The following FBXO25 variants were observed in gnomAD, a reference collection of about 807,000 sequenced individuals.
FBXO25 encodes F-box only protein 25.
Under a neutral mutation model 51.9 loss-of-function variants are expected in FBXO25, and 45 were observed. That is an observed-to-expected ratio of 0.87 (90% CI 0.68 to 1.11). The LOEUF (loss-of-function observed/expected upper bound fraction) is 1.11. Ranked by LOEUF, FBXO25 falls within the 50% of genes most tolerant of loss-of-function variation. The pLI, the probability that FBXO25 is intolerant of heterozygous loss-of-function variation, is 0.00. For missense variants in FBXO25, 507 were observed against 428.5 expected (o/e 1.18, Z -1.62); for synonymous variants, 199 against 151.0 (o/e 1.32, Z -2.33).
In FBXO25 at chr8:469,681, A is replaced by G. The variant is rs939818308; in HGVS notation, c.*877A>G. 3 of 151,992 alleles carry G rather than the reference A, an allele frequency of 2.0e-5. No homozygotes were observed. The highest frequency in any genetic ancestry group is 4.8e-5 in the African/African-American group (2 of 41,336). 9.4% of individuals were successfully genotyped at this position (151,992 alleles called of 1,614,324 possible). Reference sequence around the variant, plus strand: ...AAATAACGCATGTCCATTTTAGAAAATTAGAAAATCAGTCCCACCACCCAA... The same window carrying G: ...AAATAACGCATGTCCATTTTAGAAAGTTAGAAAATCAGTCCCACCACCCAA... On this transcript the variant is annotated 3_prime_UTR_variant, in exon 10 of 10. Transcript: ENST00000350302.
chr8:436,438 A>C (rs1421766386), intron 5 of FBXO25, among the ~76,000 whole-genome samples: 1 of 152,206 alleles, frequency 6.6e-6, no homozygotes, highest in Non-Finnish European at 1.5e-5. Flanking sequence ...TGGGAGGACC[A>C]AAAATTTAGG....
intron 5 of FBXO25, among the ~76,000 whole-genome samples, chr8:447,451 G>A (rs1242781171): frequency 6.6e-6 from 1 of 152,170 alleles, no homozygotes; most frequent in Admixed American, 6.5e-5. Flanking sequence ...ATGGAATCAT[G>A]AGCAGACAGT....
chr8:449,675 G>A (rs1348445961), intron 5 of FBXO25, among the ~76,000 whole-genome samples: 1 of 152,146 alleles, frequency 6.6e-6, no homozygotes, highest in Non-Finnish European at 1.5e-5. Flanking sequence ...TACAGAGGCT[G>A]GAAAGCTAAA....
intron 2 of FBXO25, among the ~76,000 whole-genome samples, chr8:423,734 A>G (rs542160312): frequency 1.3e-5 from 2 of 152,232 alleles, no homozygotes; most frequent in Non-Finnish European, 2.9e-5. Context: ...TACTATTGTT[A>G]ATAGTGCAGC....
At chr8:449,541 G>A (rs1469168185) in intron 5 of FBXO25, among the ~76,000 whole-genome samples, 3 of 152,206 alleles carry the variant, frequency 2.0e-5, no homozygotes, top group Non-Finnish European at 4.4e-5. Context: ...ATTTCTACAT[G>A]GAAGGGCTGT....
At chr8:433,074 G>C (rs1486237990) in intron 4 of FBXO25, 139 bp downstream of exon 4, 29 of 1,189,236 alleles carry the variant, frequency 2.4e-5, no homozygotes, top group African/African-American at 6.5e-5. Flanking sequence ...CATTCTGACA[G>C]ATAATAGCAT....
chr8:429,800 G>A (rs533227313), intron 2 of FBXO25, among the ~76,000 whole-genome samples: 37 of 152,202 alleles, frequency 2.4e-4, no homozygotes, highest in Non-Finnish European at 4.3e-4. Flanking sequence ...CCACTGCCCA[G>A]GCAGGCCCAG....
chr8:433,469 C>G (rs1466713211), intron 4 of FBXO25, among the ~76,000 whole-genome samples: 1 of 152,134 alleles, frequency 6.6e-6, no homozygotes. Context: ...TGTGAGCCCT[C>G]TCATTCCACA....
At chr8:459,512 C>T (rs993846450) in intron 8 of FBXO25, among the ~76,000 whole-genome samples, 13 of 152,172 alleles carry the variant, frequency 8.5e-5, no homozygotes, top group African/African-American at 2.7e-4. Flanking sequence ...TTCAGAAGAG[C>T]CTCTGTTCTT....
chr8:454,901 AAAG>A (rs1320246107), intron 7 of FBXO25, among the ~76,000 whole-genome samples: 1 of 145,460 alleles, frequency 6.9e-6, no homozygotes, highest in Non-Finnish European at 1.5e-5. Flanking sequence ...AAAAAAAGAA[AAAG>A]AAAAAGAAAA....
At chr8:409,804 C>G (rs188938423) in intron 1 of FBXO25, among the ~76,000 whole-genome samples, 7 of 152,208 alleles carry the variant, frequency 4.6e-5, no homozygotes, top group African/African-American at 1.7e-4. Flanking sequence ...AATTATTATT[C>G]TCAAAACAAC....
chr8:451,181 C>T, intron 6 of FBXO25, 88 bp from the exon 7 acceptor site: 1 of 1,089,856 alleles, frequency 9.2e-7, no homozygotes, highest in Non-Finnish European at 1.3e-6. Context: ...GTTCGTCTAT[C>T]AGTGGACATT....
intron 2 of FBXO25, among the ~76,000 whole-genome samples, chr8:418,663 C>T (rs1486691893): frequency 6.6e-6 from 1 of 152,070 alleles, no homozygotes; most frequent in African/African-American, 2.4e-5. Flanking sequence ...AGTAAGAGAG[C>T]TCTTTCAAAA....
At chr8:461,389 A>G (rs1799799139) in intron 8 of FBXO25, among the ~76,000 whole-genome samples, 1 of 152,226 alleles carries the variant, frequency 6.6e-6, no homozygotes, top group African/African-American at 2.4e-5. Flanking sequence ...TCCTGGTGGA[A>G]GGCAAAGGAG....
chr8:456,188 C>G (rs1799416936), intron 7 of FBXO25, among the ~76,000 whole-genome samples: 1 of 152,170 alleles, frequency 6.6e-6, no homozygotes, highest in Non-Finnish European at 1.5e-5. Flanking sequence ...GGTTAATTTA[C>G]TTGCACGTTA....
At chr8:452,627 G>A (rs570012115) in intron 7 of FBXO25, among the ~76,000 whole-genome samples, 38 of 152,320 alleles carry the variant, frequency 2.5e-4, no homozygotes, top group African/African-American at 9.1e-4. Flanking sequence ...GGTTTTCATG[G>A]TCAGGATCCC....
At chr8:421,595 G>C (rs1006114994) in intron 2 of FBXO25, among the ~76,000 whole-genome samples, 1 of 152,152 alleles carries the variant, frequency 6.6e-6, no homozygotes, top group South Asian at 2.1e-4. Context: ...CATGAACTAG[G>C]GCTGTTGGTT....
intron 2 of FBXO25, among the ~76,000 whole-genome samples, chr8:420,918 G>A (rs546616194): frequency 6.6e-6 from 1 of 152,244 alleles, no homozygotes; most frequent in South Asian, 2.1e-4. Context: ...ATAGATGTTT[G>A]TGTATGTGTT....
intron 9 of FBXO25, chr8:468,008 C>G: frequency 1.1e-5 from 15 of 1,324,330 alleles, no homozygotes; most frequent in Non-Finnish European, 1.5e-5. Context: ...CTTCACCACA[C>G]AGCACCTGGT....
Sources: gnomAD v4.1 joint callset for allele counts (sites outside exome capture counted in the v4.1 genomes callset) on GRCh38, gnomAD v4.1.1 for gene constraint, MANE v1.5 for transcripts, NCBI Gene and HGNC (gene_info 2026-07-23, HGNC 2026-07-21) for gene names.